The following PPP1R35 variants were observed in gnomAD, a reference collection of about 807,000 sequenced individuals.
PPP1R35 encodes the protein UPF0683 protein C7orf47.
Under a neutral mutation model 22.2 loss-of-function variants are expected in PPP1R35, and 23 were observed. The ratio of observed to expected loss-of-function variants is 1.04; its 90% CI spans 0.75 to 1.47. The LOEUF (loss-of-function observed/expected upper bound fraction) is 1.47. PPP1R35 is among the 40% of genes most tolerant of loss of function. The pLI, the probability that PPP1R35 is intolerant of heterozygous loss-of-function variation, is 0.00. For synonymous variants in PPP1R35, 198 were observed against 165.7 expected (o/e 1.19, Z -1.50); for missense variants, 409 against 349.6 (o/e 1.17, Z -1.36).
Position 100,435,621 on chromosome 7 carries a change from AC to A in PPP1R35, c.588+9del. ...TACATGGAGGAAGCCCCACGCCCAG[AC>A]CCCATCACCTTTGGGTGCGGGGCTC... On this transcript the variant is annotated intron_variant, in intron 3 of 3. Coordinates refer to ENST00000292330, the MANE Select transcript of PPP1R35 (RefSeq NM_145030.4). 1 of 1,609,952 alleles carries A rather than the reference AC, an allele frequency of 6.2e-7. No individual in the cohort carries two copies. Among genetic ancestry groups the A allele is most frequent in the African/African-American group, 1.3e-5 (1 of 74,958 alleles).
In PPP1R35 at chr7:100,435,995, C is replaced by A. The variant is rs1433419684; in HGVS notation, c.304G>T (p.Glu102Ter). The part of the protein sequence containing the change: ...EPQPAVPQEL[E>*]MPVLKSSLAL... ...AGGCTGCTCTTCAGCACGGGCATCT[C>A]CAGCTCCTGCGGCACCGCAGGCTGC... is the stretch of plus-strand genomic sequence containing the variant. Residue 102 changes from glutamate to a stop codon, truncating the protein, a stop_gained, in exon 2 of 4, where the codon GAG (glutamate) becomes TAG (stop). Coordinates refer to ENST00000292330, the MANE Select transcript of PPP1R35 (RefSeq NM_145030.4). LOFTEE classifies it high-confidence loss of function. 2 of 1,559,758 alleles carry A rather than the reference C, an allele frequency of 1.3e-6. No homozygotes were observed. Among genetic ancestry groups the A allele is most frequent in the Admixed American group, 3.7e-5 (2 of 53,480 alleles).
chr7:100,436,268 G>C lies in PPP1R35; in HGVS notation c.107C>G (p.Pro36Arg). Residue 36 changes from proline to arginine, a missense_variant, in exon 1 of 4, where the codon CCA becomes CGA. Coordinates refer to ENST00000292330, the MANE Select transcript of PPP1R35 (RefSeq NM_145030.4). ...CAAGTCCAGGCCGGGCTCGGGCACT[G>C]GGGCTCGGAGTTGCGGGACTTGGGG... ...PEPQVPQLRA[P>R]VPEPGLDLSL... is the part of the protein sequence containing the mutation. 1 of 1,335,514 alleles carries C rather than the reference G, an allele frequency of 7.5e-7. No homozygotes were observed. Among genetic ancestry groups the C allele is most frequent in the South Asian group, 2.3e-5 (1 of 42,676 alleles). 82.7% of individuals were successfully genotyped at this position (1,335,514 alleles called of 1,614,324 possible). A position where few individuals can be genotyped will look rare whatever the true frequency, so the allele number is the denominator to read the frequency against.
Position 100,435,892 on chromosome 7 carries a change from T to C in PPP1R35, c.407A>G (p.Lys136Arg), listed in dbSNP as rs1183491527. ...CAGGCCGCAGCGGATCTGGAACGAC[T>C]TTCTCAGCTGTTCCTCCACGGCCTT... ...AAKAVEEQLR[K>R]SFQIRCGLEE... Residue 136 changes from lysine (K) to arginine (R), a missense_variant, in exon 2 of 4, where the codon AAG becomes AGG. By Grantham distance (26) the Lys-to-Arg change is conservative. Coordinates refer to ENST00000292330, the MANE Select transcript of PPP1R35 (RefSeq NM_145030.4). 1.9e-6 allele frequency: 3 copies of C among 1,600,658 alleles called. No individual in the cohort carries two copies. Among genetic ancestry groups the C allele is most frequent in the Middle Eastern group, 1.7e-4 (1 of 5,956 alleles).
At chr7:100,436,557 G>C, upstream of PPP1R35, 1 of 415,092 alleles carries the variant, frequency 2.4e-6, no homozygotes. Flanking sequence ...GCTCCCAGGC[G>C]TCATTTCCCT....
In PPP1R35 at chr7:100,436,306, C is replaced by A; in HGVS notation, c.69G>T (p.Gly23=). 1 of 1,385,234 alleles carries A rather than the reference C, an allele frequency of 7.2e-7. No homozygotes were observed. The highest frequency in any genetic ancestry group is 9.4e-7 in the Non-Finnish European group (1 of 1,061,556). The allele number at this position is 1,385,234 out of a possible 1,614,324, so 85.8% of individuals were successfully genotyped here. A position where few individuals can be genotyped will look rare whatever the true frequency, so the allele number is the denominator to read the frequency against. ...ADGEEAAAVP[G]PPPEPQVPQL... ...GCGGGACTTGGGGCTCCGGGGGTGGCCCCGGGACCGCCGCGGCTTCTTCCC... is the reference window on the plus strand; with the variant it reads ...GCGGGACTTGGGGCTCCGGGGGTGGACCCGGGACCGCCGCGGCTTCTTCCC... Residue 23 remains glycine (G), a synonymous_variant, in exon 1 of 4, where the codon GGG becomes GGT. Transcript: ENST00000292330.
chr7:100,435,782 G>T lies in PPP1R35; in HGVS notation c.452-15C>A, dbSNP rs749454486. On this transcript the variant is annotated splice_polypyrimidine_tract_variant and intron_variant, in intron 2 of 3. Transcript: ENST00000292330. The stretch of plus-strand genomic sequence containing the variant: ...CACGTTCAGCCCTGAGAGCGCAGCG[G>T]GGACGGAGGTGAGTGGCGCGCCTCA... 2 of 1,593,862 alleles carry T rather than the reference G, an allele frequency of 1.3e-6. No homozygotes were observed. The highest frequency in any genetic ancestry group is 1.7e-6 in the Non-Finnish European group (2 of 1,175,472).
rs1337364611 is a variant in PPP1R35 at position 100,436,449 on chromosome 7, G to A, written c.-75C>T. 2.1e-5 allele frequency: 24 copies of A among 1,124,614 alleles called. No homozygotes were observed. Among genetic ancestry groups the A allele is most frequent in the African/African-American group, 3.2e-5 (2 of 61,622 alleles). The allele number at this position is 1,124,614 out of a possible 1,614,324, so 69.7% of individuals were successfully genotyped here. A position where few individuals can be genotyped will look rare whatever the true frequency, so the allele number is the denominator to read the frequency against. On this transcript the variant is annotated 5_prime_UTR_variant, in exon 1 of 4. Transcript: ENST00000292330. The stretch of plus-strand genomic sequence containing the variant: ...AACGGTCAGGGGACACAGCCTGGCT[G>A]CCGCCTCCTTTCCCCCGCCCCTCCT...
Position 100,435,438 on chromosome 7 carries a change from A to AG in PPP1R35, c.683dup (p.Leu229SerfsTer48), listed in dbSNP as rs759286021. 1.4e-5 allele frequency: 22 copies of AG among 1,612,424 alleles called. No homozygotes were observed. The highest frequency in any genetic ancestry group is 2.2e-5 in the East Asian group (1 of 44,878). Reference sequence around the variant, plus strand: ...GGCGGGGCCGGAGTTGAAGTCGGAGAGGGGGCAGACCGTCCAGGGTCAGGT... The same window carrying AG: ...GGCGGGGCCGGAGTTGAAGTCGGAGAGGGGGGCAGACCGTCCAGGGTCAGGT... On this transcript the variant is annotated frameshift_variant, in exon 4 of 4. Transcript: ENST00000292330. LOFTEE classifies it high-confidence loss of function.
chr7:100,435,747 TGGAGCGCGGCACGTTCAGCCCTG>T lies in PPP1R35; in HGVS notation c.452-3_471del. The T allele has an allele frequency of 6.2e-7, 1 of 1,601,120 alleles. No individual in the cohort carries two copies. Among genetic ancestry groups the T allele is most frequent in the Non-Finnish European group, 8.5e-7 (1 of 1,177,274 alleles). ...CTCACCAGGTCCCGGAAGAGCCGCT[TGGAGCGCGGCACGTTCAGCCCTG>T]AGAGCGCAGCGGGGACGGAGGTGAG... On this transcript the variant is annotated splice_acceptor_variant and splice_polypyrimidine_tract_variant and coding_sequence_variant and intron_variant, in exon 3 of 4. Transcript: ENST00000292330. LOFTEE classifies it high-confidence loss of function.
chr7:100,436,211 G>A lies in PPP1R35; in HGVS notation c.164C>T (p.Pro55Leu), dbSNP rs1439992419. 2.4e-6 allele frequency: 3 copies of A among 1,251,186 alleles called. No homozygotes were observed. Among genetic ancestry groups the A allele is most frequent in the Non-Finnish European group, 3.0e-6 (3 of 998,364 alleles). 77.5% of individuals were successfully genotyped at this position (1,251,186 alleles called of 1,614,324 possible). ...SLSPRPDSPQ[P>L]RHGSPGRRKG... ...CCGCCGCCCGGGGCTGCCGTGCCGC[G>A]GCTGAGGGCTGTCGGGCCGCGGGCT... is the stretch of plus-strand genomic sequence containing the variant. Residue 55 changes from proline to leucine, a missense_variant, in exon 1 of 4, where the codon CCG becomes CTG. Coordinates refer to ENST00000292330, the MANE Select transcript of PPP1R35 (RefSeq NM_145030.4).
chr7:100,436,430 CA>C lies in PPP1R35; in HGVS notation c.-57del. Reference sequence around the variant, plus strand: ...CGGGGGTCGCAGACGCTCCAACGGTCAGGGGACACAGCCTGGCTGCCGCCTC... The same window carrying C: ...CGGGGGTCGCAGACGCTCCAACGGTCGGGGACACAGCCTGGCTGCCGCCTC... On this transcript the variant is annotated 5_prime_UTR_variant, in exon 1 of 4. Transcript: ENST00000292330. 4.6e-6 allele frequency: 6 copies of C among 1,297,808 alleles called. No homozygotes were observed. Among genetic ancestry groups the C allele is most frequent in the Non-Finnish European group, 6.2e-6 (6 of 969,368 alleles). The allele number at this position is 1,297,808 out of a possible 1,614,324, so 80.4% of individuals were successfully genotyped here.
Position 100,436,307 on chromosome 7 carries a change from C to T in PPP1R35, c.68G>A (p.Gly23Glu), listed in dbSNP as rs768550166. Residue 23 changes from glycine to glutamate, a missense_variant, in exon 1 of 4, where the codon GGG (glycine) becomes GAG (glutamate). Coordinates refer to ENST00000292330, the MANE Select transcript of PPP1R35 (RefSeq NM_145030.4). ...ADGEEAAAVP[G>E]PPPEPQVPQL... is the part of the protein sequence containing the mutation. ...CGGGACTTGGGGCTCCGGGGGTGGC[C>T]CCGGGACCGCCGCGGCTTCTTCCCC... The T allele has an allele frequency of 2.2e-6, 3 of 1,386,716 alleles. No homozygotes were observed. Among genetic ancestry groups the T allele is most frequent in the Admixed American group, 2.9e-5 (1 of 34,930 alleles). The allele number at this position is 1,386,716 out of a possible 1,614,324, so 85.9% of individuals were successfully genotyped here. A position where few individuals can be genotyped will look rare whatever the true frequency, so the allele number is the denominator to read the frequency against.
In PPP1R35 at chr7:100,436,443, C is replaced by G. The variant is rs372477894; in HGVS notation, c.-69G>C. 9.2e-5 allele frequency: 109 copies of G among 1,184,958 alleles called. 2 individuals carry two copies. In the East Asian group the frequency reaches 2.6e-3, roughly 28 times the overall value. 73.4% of individuals were successfully genotyped at this position (1,184,958 alleles called of 1,614,324 possible). ...CGCTCCAACGGTCAGGGGACACAGC[C>G]TGGCTGCCGCCTCCTTTCCCCCGCC... On this transcript the variant is annotated 5_prime_UTR_variant, in exon 1 of 4. Coordinates refer to ENST00000292330, the MANE Select transcript of PPP1R35 (RefSeq NM_145030.4).
Position 100,436,131 on chromosome 7 carries a change from C to G in PPP1R35, c.234+10G>C, listed in dbSNP as rs1798880755. Reference sequence around the variant, plus strand: ...CCGTCGCGGGCCGGGGGCCAGCCTCCCCCGCTCACCTGCCGCCGCTGCCGA... The same window carrying G: ...CCGTCGCGGGCCGGGGGCCAGCCTCGCCCGCTCACCTGCCGCCGCTGCCGA... On this transcript the variant is annotated intron_variant, in intron 1 of 3. Transcript: ENST00000292330. The G allele has an allele frequency of 7.6e-7, 1 of 1,309,482 alleles. No individual in the cohort carries two copies. The highest frequency in any genetic ancestry group is 1.5e-5 in the African/African-American group (1 of 64,652). The allele number at this position is 1,309,482 out of a possible 1,614,324, so 81.1% of individuals were successfully genotyped here.
In PPP1R35 at chr7:100,436,469, C is replaced by T. The variant is rs756159415; in HGVS notation, c.-95G>A. 99 of 906,666 alleles carry T rather than the reference C, an allele frequency of 1.1e-4. No individual in the cohort carries two copies. Among genetic ancestry groups the T allele is most frequent in the Non-Finnish European group, 1.4e-4 (89 of 639,794 alleles). 56.2% of individuals were successfully genotyped at this position (906,666 alleles called of 1,614,324 possible). On this transcript the variant is annotated 5_prime_UTR_variant, in exon 1 of 4. Coordinates refer to ENST00000292330, the MANE Select transcript of PPP1R35 (RefSeq NM_145030.4). ...TGGCTGCCGCCTCCTTTCCCCCGCC[C>T]CTCCTAGACGCCGCTACCGGAAACC... is the stretch of plus-strand genomic sequence containing the variant.
Position 100,436,444 on chromosome 7 carries a change from TG to T in PPP1R35, c.-71del. The T allele has an allele frequency of 8.5e-7, 1 of 1,182,072 alleles. No individual in the cohort carries two copies. Among genetic ancestry groups the T allele is most frequent in the Non-Finnish European group, 1.1e-6 (1 of 877,488 alleles). 73.2% of individuals were successfully genotyped at this position (1,182,072 alleles called of 1,614,324 possible). A position where few individuals can be genotyped will look rare whatever the true frequency, so the allele number is the denominator to read the frequency against. On this transcript the variant is annotated 5_prime_UTR_variant, in exon 1 of 4. Coordinates refer to ENST00000292330, the MANE Select transcript of PPP1R35 (RefSeq NM_145030.4). The stretch of plus-strand genomic sequence containing the variant: ...GCTCCAACGGTCAGGGGACACAGCC[TG>T]GCTGCCGCCTCCTTTCCCCCGCCCC...
rs1184477611 is a variant in PPP1R35 at position 100,435,369 on chromosome 7, C to G, written c.753G>C (p.Trp251Cys). Residue 251 changes from tryptophan (W) to cysteine (C), a missense_variant, in exon 4 of 4, where the codon TGG becomes TGC. Coordinates refer to ENST00000292330, the MANE Select transcript of PPP1R35 (RefSeq NM_145030.4). ...CAGGGATCTTTGGGGTCTACGCTTC[C>G]CATCGCCTCAGTGTCCGGTGCATGA... ...TFLMHRTLRR[W>C]EA 6.3e-7 allele frequency: 1 copy of G among 1,598,316 alleles called. No homozygotes were observed.
chr7:100,435,685 C>T lies in PPP1R35; in HGVS notation c.534G>A (p.Ala178=), dbSNP rs1798855852. ...GCAGGAGAGCCAATTTCTCCCTGAG[C>T]GCGGCATTCAGAACCTGTTCCTCCG... The part of the protein sequence containing the change: ...QVPEEQVLNA[A]LREKLALLPP... The change falls in exon 3 of 4, where the codon GCG becomes GCA. Residue 178 remains alanine (A), a synonymous_variant. Coordinates refer to ENST00000292330, the MANE Select transcript of PPP1R35 (RefSeq NM_145030.4). 6.2e-7 allele frequency: 1 copy of T among 1,609,108 alleles called. No individual in the cohort carries two copies. The highest frequency in any genetic ancestry group is 8.5e-7 in the Non-Finnish European group (1 of 1,178,744).
Position 100,436,066 on chromosome 7 carries a change from T to C in PPP1R35, c.235-2A>G. 6.5e-7 allele frequency: 1 copy of C among 1,533,206 alleles called. No homozygotes were observed. Among genetic ancestry groups the C allele is most frequent in the East Asian group, 2.4e-5 (1 of 40,846 alleles). 95.0% of individuals were successfully genotyped at this position (1,533,206 alleles called of 1,614,324 possible). Reference sequence around the variant, plus strand: ...GGGCGGCGTCAGGCGGAAGCGGACCTGGGAGCAGAGGGCAGGGCAGTGACC... The same window carrying C: ...GGGCGGCGTCAGGCGGAAGCGGACCCGGGAGCAGAGGGCAGGGCAGTGACC... On this transcript the variant is annotated splice_acceptor_variant, in intron 1 of 3. Coordinates refer to ENST00000292330, the MANE Select transcript of PPP1R35 (RefSeq NM_145030.4). LOFTEE classifies it high-confidence loss of function.
Sources: allele counts gnomAD v4.1 joint callset, GRCh38; gene constraint gnomAD v4.1.1; transcripts MANE v1.5; gene names NCBI Gene and HGNC (gene_info 2026-07-23, HGNC 2026-07-21).